Variants in RPIA observed in about 807,000 individuals in gnomAD.
The protein encoded by RPIA is ribose-5-phosphate isomerase.
A neutral mutation model predicts 37.8 loss-of-function variants in RPIA; 29 were observed. That is an observed-to-expected ratio of 0.77 (90% confidence interval 0.57 to 1.05). The LOEUF (loss-of-function observed/expected upper bound fraction) is 1.05, where lower values mean the gene tolerates loss of function less well. Ranked by LOEUF, RPIA falls within the 50% of genes least tolerant of loss-of-function variation. The pLI is 0.00. For missense variants in RPIA, 385 were observed against 413.6 expected (o/e 0.93, Z 0.60); for synonymous variants, 167 against 157.0 (o/e 1.06, Z -0.48).
chr2:88,736,904 T>C (rs1341115901), intron 7 of RPIA, among the ~76,000 whole-genome samples: 1 of 152,226 alleles, frequency 6.6e-6, no homozygotes, highest in Non-Finnish European at 1.5e-5. Context: ...TTTGTACAGA[T>C]AGGGGAATGA....
chr2:88,691,713 G>T lies in RPIA; in HGVS notation c.15G>T (p.Gly5=). 6.3e-7 allele frequency: 1 copy of T among 1,580,492 alleles called. No homozygotes were observed. Among genetic ancestry groups the T allele is most frequent in the Non-Finnish European group, 8.5e-7 (1 of 1,170,308 alleles). The change falls in exon 1 of 9, where the codon GGG becomes GGT. Residue 5 remains glycine, a synonymous_variant. Transcript: ENST00000283646. MQRP[G]PFSTLYGRVL... ...GAGGCGTCGGGATGCAGCGCCCCGG[G>T]CCCTTCAGCACCCTCTACGGGCGGG...
intron 1 of RPIA, among the ~76,000 whole-genome samples, chr2:88,693,765 C>T (rs1055258680): frequency 6.6e-6 from 1 of 152,192 alleles, no homozygotes; most frequent in Non-Finnish European, 1.5e-5. Context: ...TTCCTGTTCT[C>T]TAGTCCATTG....
At chr2:88,722,296 A>G (rs1367263929) in intron 3 of RPIA, among the ~76,000 whole-genome samples, 3 of 152,200 alleles carry the variant, frequency 2.0e-5, no homozygotes, top group African/African-American at 7.2e-5. Context: ...TTATTTTTGA[A>G]AGAATATTTT....
At chr2:88,747,191 G>T (rs1673447947) in intron 8 of RPIA, among the ~76,000 whole-genome samples, 1 of 152,094 alleles carries the variant, frequency 6.6e-6, no homozygotes, top group African/African-American at 2.4e-5. Context: ...GGGGATTATG[G>T]CTGCCTCTTC....
intron 3 of RPIA, among the ~76,000 whole-genome samples, chr2:88,701,323 T>C (rs73952336): frequency 0.065 from 9,886 of 151,982 alleles, 583 homozygotes; most frequent in African/African-American, 0.16. Flanking sequence ...GTGATGGATT[T>C]TCTTAGTCTT....
chr2:88,739,856 C>T (rs185399113), intron 8 of RPIA, among the ~76,000 whole-genome samples: 1 of 152,174 alleles, frequency 6.6e-6, no homozygotes, highest in Non-Finnish European at 1.5e-5. Flanking sequence ...CTCAAAGTCT[C>T]CCTTGGCCTC....
chr2:88,702,585 A>G (rs903563367), intron 3 of RPIA, among the ~76,000 whole-genome samples: 3 of 152,250 alleles, frequency 2.0e-5, no homozygotes, highest in Non-Finnish European at 4.4e-5. Flanking sequence ...TACTATGAGA[A>G]CAGCGTGGAG....
chr2:88,734,632 G>T lies in RPIA; in HGVS notation c.527+16G>T, dbSNP rs746567368. The T allele has an allele frequency of 6.2e-7, 1 of 1,613,560 alleles. No homozygotes were observed. Among genetic ancestry groups the T allele is most frequent in the Non-Finnish European group, 8.5e-7 (1 of 1,179,448 alleles). ...AGGGTGGCGGGTGAGTGTTGTGGGG[G>T]CTTCTGTGCTAAAGAGTATCTGCCA... On this transcript the variant is annotated intron_variant, in intron 5 of 8. Coordinates refer to ENST00000283646, the MANE Select transcript of RPIA (RefSeq NM_144563.3).
At chr2:88,696,183 A>T (rs755165945) in intron 1 of RPIA, among the ~76,000 whole-genome samples, 4 of 152,128 alleles carry the variant, frequency 2.6e-5, no homozygotes, top group Non-Finnish European at 5.9e-5. Flanking sequence ...AAATAAATTA[A>T]TTGTTAATCA....
intron 1 of RPIA, among the ~76,000 whole-genome samples, 171 bp downstream of exon 1, chr2:88,692,154 T>C (rs1272029263): frequency 2.0e-5 from 3 of 152,194 alleles, no homozygotes; most frequent in Non-Finnish European, 2.9e-5. Context: ...CCCTGCTCCT[T>C]AAAGACCTTT....
intron 3 of RPIA, among the ~76,000 whole-genome samples, chr2:88,710,334 C>G (rs1307823017): frequency 1.3e-5 from 2 of 152,202 alleles, no homozygotes; most frequent in African/African-American, 2.4e-5. Flanking sequence ...ATGTGAGCCA[C>G]TGCGCCCAGC....
Position 88,736,673 on chromosome 2 carries a change from G to A in RPIA, c.735G>A (p.Lys245=), listed in dbSNP as rs1673319771. Residue 245 remains lysine (K), a synonymous_variant, in exon 7 of 9, where the codon AAG becomes AAA. Transcript: ENST00000283646. ...TTGAACTTCGAATGGCTGTCAACAA[G>A]GCTGTGAGTGGCCTGGTTGGGCCGG... is the stretch of plus-strand genomic sequence containing the variant. ...GVVELRMAVN[K]AGPVVTDNGN... 1 of 1,610,806 alleles carries A rather than the reference G, an allele frequency of 6.2e-7. No homozygotes were observed. The highest frequency in any genetic ancestry group is 1.3e-5 in the African/African-American group (1 of 74,868).
Position 88,734,612 on chromosome 2 carries a change from G to T in RPIA, c.523G>T (p.Gly175Cys). The T allele has an allele frequency of 6.2e-7, 1 of 1,614,202 alleles. No homozygotes were observed. The highest frequency in any genetic ancestry group is 8.5e-7 in the Non-Finnish European group (1 of 1,180,020). ...TGCTGATCTCAATCTCATCAAGGGT[G>T]GCGGGTGAGTGTTGTGGGGGCTTCT... ...VDADLNLIKG[G>C]GGCLTQEKIV... The change falls in exon 5 of 9, where the codon GGC (glycine) becomes TGC (cysteine). Residue 175 changes from glycine (G) to cysteine (C), a missense_variant. Gly to Cys is a radical substitution (Grantham distance 159). Transcript: ENST00000283646.
At chr2:88,728,659 T>C (rs1025794993) in intron 3 of RPIA, among the ~76,000 whole-genome samples, 47 of 152,320 alleles carry the variant, frequency 3.1e-4, no homozygotes, top group African/African-American at 1.1e-3. Flanking sequence ...TTCTCCCTTT[T>C]GTCACCTTTT....
Position 88,735,691 on chromosome 2 carries a change from A to G in RPIA, c.550A>G (p.Ile184Val). ...CAGAGGCTGCCTGACCCAGGAGAAG[A>G]TTGTGGCTGGCTATGCTAGTCGCTT... ...GGGGCLTQEK[I>V]VAGYASRFIV... is the part of the protein sequence containing the mutation. Residue 184 changes from isoleucine (I) to valine (V), a missense_variant, in exon 6 of 9, where the codon ATT (isoleucine) becomes GTT (valine). Ile to Val is a conservative substitution (Grantham distance 29, BLOSUM62 3). Around this residue, in one of 2 missense-constraint regions of RPIA, gnomAD observed 153 missense variants for 210.6 expected, o/e 0.73. Coordinates refer to ENST00000283646, the MANE Select transcript of RPIA (RefSeq NM_144563.3). 1 of 1,614,108 alleles carries G rather than the reference A, an allele frequency of 6.2e-7. No individual in the cohort carries two copies. Among genetic ancestry groups the G allele is most frequent in the Non-Finnish European group, 8.5e-7 (1 of 1,180,012 alleles).
At chr2:88,714,160 T>TG (rs1673003153) in intron 3 of RPIA, among the ~76,000 whole-genome samples, 1 of 65,310 alleles carries the variant, frequency 1.5e-5, no homozygotes, top group African/African-American at 6.8e-5. Context: ...TCATTTTTTG[T>TG]TTTTTTGTTT....
chr2:88,744,940 A>G (rs1673423807), intron 8 of RPIA, among the ~76,000 whole-genome samples: 1 of 152,086 alleles, frequency 6.6e-6, no homozygotes, highest in Non-Finnish European at 1.5e-5. Context: ...GTGGATTTTT[A>G]TGCATTCTGC....
chr2:88,721,020 G>T (rs1673114684), intron 3 of RPIA, among the ~76,000 whole-genome samples: 2 of 152,170 alleles, frequency 1.3e-5, no homozygotes. Flanking sequence ...ATACACCTTG[G>T]AATACTATGC....
intron 7 of RPIA, 67 bp from the exon 8 acceptor site, chr2:88,737,910 T>C (rs1673335076): frequency 2.5e-6 from 3 of 1,183,436 alleles, no homozygotes. Flanking sequence ...TTATCCCCTC[T>C]ACTTTCCTGT....
Sources: allele counts gnomAD v4.1 joint callset (sites outside exome capture counted in the v4.1 genomes callset), GRCh38; gene constraint gnomAD v4.1.1; regional missense constraint gnomAD v4.1.1; transcripts MANE v1.5; gene names NCBI Gene and HGNC (gene_info 2026-07-23, HGNC 2026-07-21).